The following PTPRD variants were observed in gnomAD, a reference collection of about 807,000 sequenced individuals.
PTPRD encodes receptor-type tyrosine-protein phosphatase delta.
PTPRD carries 34 observed loss-of-function variants against 214.5 expected under a neutral mutation model. That is an observed-to-expected ratio of 0.16 (90% CI 0.12 to 0.21). PTPRD has a LOEUF of 0.21. Among genes scored for constraint, PTPRD ranks in the 10% least tolerant of loss-of-function variants. PTPRD has a pLI of 1.00. For synonymous variants in PTPRD, 1,128 were observed against 845.7 expected (o/e 1.33, Z -5.79); for missense variants, 2,545 against 2,398.7 (o/e 1.06, Z -1.27).
At chr9:9,781,339 T>A (rs2098841179) in intron 5 of PTPRD, among the ~76,000 whole-genome samples, 1 of 152,158 alleles carries the variant, frequency 6.6e-6, no homozygotes, top group Non-Finnish European at 1.5e-5. Flanking sequence ...AATACACAAG[T>A]AATTTAAAAT....
chr9:8,812,956 G>C (rs1279254064), intron 11 of PTPRD, among the ~76,000 whole-genome samples: 1 of 151,964 alleles, frequency 6.6e-6, no homozygotes, highest in Non-Finnish European at 1.5e-5. Context: ...GAAGAAGCAA[G>C]ACACAATTTA....
chr9:8,527,183 G>A (rs745368542), intron 16 of PTPRD, among the ~76,000 whole-genome samples, 162 bp downstream of exon 16: 10 of 151,986 alleles, frequency 6.6e-5, no homozygotes, highest in South Asian at 2.1e-4. Context: ...GTGTTCTTAC[G>A]ATAACAGTTC....
chr9:10,606,780 C>T (rs1029906161), intron 2 of PTPRD, among the ~76,000 whole-genome samples: 9 of 151,766 alleles, frequency 5.9e-5, no homozygotes, highest in Non-Finnish European at 1.3e-4. Context: ...GTTCTCTGTT[C>T]GTGTAGCTGC....
chr9:9,894,356 T>C (rs56314665), intron 5 of PTPRD, among the ~76,000 whole-genome samples: 204 of 152,216 alleles, frequency 1.3e-3, no homozygotes, highest in African/African-American at 4.6e-3. Context: ...TAAAGGATCC[T>C]GAAGGCCCTG....
chr9:9,236,831 C>A (rs1003355945), intron 9 of PTPRD, among the ~76,000 whole-genome samples: 1 of 152,024 alleles, frequency 6.6e-6, no homozygotes. Flanking sequence ...TTAAGCCCCA[C>A]TGTGGCTAAG....
intron 39 of PTPRD, among the ~76,000 whole-genome samples, chr9:8,346,956 T>C (rs1227970414): frequency 6.6e-6 from 1 of 152,118 alleles, no homozygotes; most frequent in Non-Finnish European, 1.5e-5. Context: ...AAGCACTTAG[T>C]TAAGATGAAA....
intron 11 of PTPRD, among the ~76,000 whole-genome samples, chr9:8,886,634 C>T (rs563840743): frequency 8.2e-4 from 125 of 152,272 alleles, no homozygotes; most frequent in Non-Finnish European, 1.7e-3. Flanking sequence ...AATGATGTCA[C>T]ATTCTAACTA....
intron 35 of PTPRD, among the ~76,000 whole-genome samples, chr9:8,426,800 T>TG (rs1417309427): frequency 8.9e-4 from 88 of 99,126 alleles, no homozygotes; most frequent in South Asian, 1.0e-3. Context: ...GTCTGAGGTT[T>TG]TTTTTTTTTT....
chr9:9,957,480 C>A (rs1396364331), intron 4 of PTPRD, among the ~76,000 whole-genome samples: 1 of 151,972 alleles, frequency 6.6e-6, no homozygotes, highest in Non-Finnish European at 1.5e-5. Flanking sequence ...AAAAATTATA[C>A]AATTAAATAT....
chr9:8,945,064 TA>T (rs1567162068), intron 11 of PTPRD, among the ~76,000 whole-genome samples: 2 of 152,032 alleles, frequency 1.3e-5, no homozygotes, highest in Admixed American at 1.3e-4. Flanking sequence ...AAAAATTTTT[TA>T]AAAAGAAAAT....
At chr9:10,095,234 T>A (rs929233983) in intron 3 of PTPRD, among the ~76,000 whole-genome samples, 1 of 151,438 alleles carries the variant, frequency 6.6e-6, no homozygotes, top group African/African-American at 2.4e-5. Context: ...CTTTTTTCAA[T>A]GCTAAATCTG....
chr9:9,605,302 A>C (rs973524386), intron 7 of PTPRD, among the ~76,000 whole-genome samples: 2 of 152,070 alleles, frequency 1.3e-5, no homozygotes, highest in Non-Finnish European at 2.9e-5. Context: ...TGTTTAGTAT[A>C]TGTGGTCCAC....
At chr9:8,459,057 A>C (rs925981744) in intron 33 of PTPRD, among the ~76,000 whole-genome samples, 4 of 152,086 alleles carry the variant, frequency 2.6e-5, no homozygotes, top group African/African-American at 9.7e-5. Context: ...TTTTCAAAAG[A>C]GAAGAGTTTT....
chr9:8,895,152 A>G (rs1363289677), intron 11 of PTPRD, among the ~76,000 whole-genome samples: 1 of 152,140 alleles, frequency 6.6e-6, no homozygotes, highest in Non-Finnish European at 1.5e-5. Context: ...CAACCCTCCT[A>G]GCAGCTGTAG....
At chr9:10,255,044 C>T (rs758976638) in intron 3 of PTPRD, among the ~76,000 whole-genome samples, 1 of 152,022 alleles carries the variant, frequency 6.6e-6, no homozygotes, top group Non-Finnish European at 1.5e-5. Flanking sequence ...AGATATGATG[C>T]AAAGAAAAGG....
chr9:9,834,850 A>G (rs1405031749), intron 5 of PTPRD, among the ~76,000 whole-genome samples: 2 of 152,032 alleles, frequency 1.3e-5, no homozygotes, highest in Non-Finnish European at 2.9e-5. Flanking sequence ...GATAACAGTT[A>G]GAGTTCCAGA....
intron 3 of PTPRD, among the ~76,000 whole-genome samples, chr9:10,061,613 T>C (rs1400589897): frequency 6.6e-6 from 1 of 152,040 alleles, no homozygotes; most frequent in East Asian, 1.9e-4. Flanking sequence ...CACCATGTCA[T>C]TTAATAAAAG....
chr9:9,259,391 C>T (rs1483344676), intron 9 of PTPRD, among the ~76,000 whole-genome samples: 1 of 151,858 alleles, frequency 6.6e-6, no homozygotes, highest in Non-Finnish European at 1.5e-5. Context: ...GCTTACAGGA[C>T]ATGTTTCTGG....
chr9:8,763,471 C>T (rs914384239), intron 11 of PTPRD, among the ~76,000 whole-genome samples: 2 of 151,948 alleles, frequency 1.3e-5, no homozygotes, highest in African/African-American at 4.8e-5. Flanking sequence ...CAAGATCACG[C>T]CACTGCACTC....
Sources: gnomAD v4.1 joint callset for allele counts (sites outside exome capture counted in the v4.1 genomes callset) on GRCh38, gnomAD v4.1.1 for gene constraint, MANE v1.5 for transcripts, NCBI Gene and HGNC (gene_info 2026-07-23, HGNC 2026-07-21) for gene names.